Variants in REEP1 observed in about 807,000 individuals in gnomAD.
REEP1 encodes the protein receptor expression-enhancing protein 1.
In REEP1, 22 loss-of-function variants were observed where a neutral mutation model predicts 40.3. That is an observed-to-expected ratio of 0.55 (90% CI 0.39 to 0.78). The LOEUF is 0.78. Ranked by LOEUF, REEP1 falls within the 30% of genes least tolerant of loss-of-function variation. The pLI is 0.00. For missense variants in REEP1, 280 were observed against 361.1 expected, an observed-to-expected ratio of 0.78 and a Z score of 1.82; for synonymous variants, 116 against 139.2, an observed-to-expected ratio of 0.83 and a Z score of 1.17.
chr2:86,273,805 CCT>C (rs2104358133), intron 2 of REEP1, among the ~76,000 whole-genome samples: 1 of 152,270 alleles, frequency 6.6e-6, no homozygotes, highest in Admixed American at 6.5e-5. Flanking sequence ...ACACACATTC[CCT>C]GTCATAACAT....
At chr2:86,257,752 C>T (rs1676645986) in intron 3 of REEP1, among the ~76,000 whole-genome samples, 1 of 151,976 alleles carries the variant, frequency 6.6e-6, no homozygotes, top group South Asian at 2.1e-4. Context: ...ATTCTCCTGC[C>T]TTGGCCTCCC....
At chr2:86,294,427 A>G (rs995561031) in intron 1 of REEP1, among the ~76,000 whole-genome samples, 1 of 152,250 alleles carries the variant, frequency 6.6e-6, no homozygotes, top group African/African-American at 2.4e-5. Context: ...AGTATAGGTC[A>G]TTAGTTCATT....
intron 4 of REEP1, among the ~76,000 whole-genome samples, chr2:86,254,417 T>C (rs1256729121): frequency 1.3e-5 from 2 of 152,224 alleles, no homozygotes; most frequent in Non-Finnish European, 2.9e-5. Context: ...GAAATTCACT[T>C]TGCGTGGTTA....
At chr2:86,238,029 A>C (rs1675454358) in intron 5 of REEP1, among the ~76,000 whole-genome samples, 1 of 152,050 alleles carries the variant, frequency 6.6e-6, no homozygotes, top group Non-Finnish European at 1.5e-5. Flanking sequence ...TAAAAATACA[A>C]AATTAGCCAG....
chr2:86,297,602 C>A, intron 1 of REEP1: 1 of 672,636 alleles, frequency 1.5e-6, no homozygotes, highest in Non-Finnish European at 1.8e-6. Flanking sequence ...AGCTGGGAGA[C>A]CAAGAACAGC....
Position 86,337,256 on chromosome 2 carries a change from C to G in REEP1, c.32+223G>C, listed in dbSNP as rs919032010. The G allele has an allele frequency of 1.2e-5, 3 of 255,786 alleles. No individual in the cohort carries two copies. The highest frequency in any genetic ancestry group is 7.3e-5 in the East Asian group (1 of 13,692). 15.8% of individuals were successfully genotyped at this position (255,786 alleles called of 1,614,324 possible). A position where few individuals can be genotyped will look rare whatever the true frequency, so the allele number is the denominator to read the frequency against. ...CCCTCGCCGTCCCGGCCCAGCCCCC[C>G]GCAAGCGGCCGCCGGCGCCGGCTGC... On this transcript the variant is annotated intron_variant, in intron 1 of 8. Transcript: ENST00000538924. This position sits in a 1 kb window ranked among gnomAD's most constrained non-coding sequence, Gnocchi z 5.8.
At chr2:86,311,469 T>A (rs536492715) in intron 1 of REEP1, among the ~76,000 whole-genome samples, 1 of 152,280 alleles carries the variant, frequency 6.6e-6, no homozygotes, top group South Asian at 2.1e-4. Flanking sequence ...GAGGGCCACG[T>A]TCCCTCTGGA....
At chr2:86,259,228 T>C (rs1279862196) in intron 3 of REEP1, among the ~76,000 whole-genome samples, 1 of 150,162 alleles carries the variant, frequency 6.7e-6, no homozygotes, top group Non-Finnish European at 1.5e-5. Flanking sequence ...AGGCAGAGAT[T>C]GCAGTGAGCC....
upstream of REEP1, chr2:86,337,785 G>T: frequency 3.7e-6 from 3 of 803,806 alleles, no homozygotes; most frequent in East Asian, 4.3e-5. This position sits in a 1 kb window ranked among gnomAD's most constrained non-coding sequence, Gnocchi z 5.8. Flanking sequence ...CGTCCCGCTC[G>T]CCCTGGCCCC....
chr2:86,320,242 C>T (rs751585701), intron 1 of REEP1, among the ~76,000 whole-genome samples: 2 of 152,254 alleles, frequency 1.3e-5, no homozygotes, highest in Non-Finnish European at 2.9e-5. Context: ...CTTGTAACCA[C>T]TAACCTCATC....
chr2:86,274,719 T>C (rs930628968), intron 2 of REEP1, among the ~76,000 whole-genome samples: 2 of 152,130 alleles, frequency 1.3e-5, no homozygotes, highest in African/African-American at 4.8e-5. Context: ...TATGGCCAAT[T>C]TGAGAGGTAA....
intron 8 of REEP1, among the ~76,000 whole-genome samples, chr2:86,219,737 C>T (rs924455610): frequency 6.6e-6 from 1 of 152,182 alleles, no homozygotes; most frequent in African/African-American, 2.4e-5. Context: ...TAAGCCACTG[C>T]ACCCGGCTCA....
chr2:86,252,271 C>A (rs1327996666), intron 4 of REEP1, among the ~76,000 whole-genome samples: 1 of 152,136 alleles, frequency 6.6e-6, no homozygotes, highest in East Asian at 1.9e-4. Flanking sequence ...ACTCTGAAAA[C>A]ACTGCAACTT....
At chr2:86,227,479 G>T in intron 6 of REEP1, 81 bp from the exon 7 acceptor site, 1 of 1,135,366 alleles carries the variant, frequency 8.8e-7, no homozygotes, top group South Asian at 4.5e-5. Flanking sequence ...GGAGGCCCTG[G>T]AGAGGTGTGG....
At chr2:86,302,735 C>T (rs1679306235) in intron 1 of REEP1, among the ~76,000 whole-genome samples, 1 of 152,170 alleles carries the variant, frequency 6.6e-6, no homozygotes, top group Non-Finnish European at 1.5e-5. Flanking sequence ...GCAAGATACA[C>T]AGTAACTTCA....
intron 1 of REEP1, among the ~76,000 whole-genome samples, chr2:86,329,619 T>C (rs1025286042): frequency 1.1e-4 from 17 of 152,130 alleles, no homozygotes; most frequent in Non-Finnish European, 1.5e-5. Context: ...ACAGGGGACA[T>C]GATGGCACCC....
intron 2 of REEP1, among the ~76,000 whole-genome samples, chr2:86,277,282 G>A (rs934024335): frequency 5.3e-5 from 8 of 152,088 alleles, no homozygotes; most frequent in South Asian, 2.1e-4. Context: ...GTTGCTTGGC[G>A]TGGTGGCTCA....
At chr2:86,234,251 C>T (rs1285312056) in intron 5 of REEP1, among the ~76,000 whole-genome samples, 1 of 152,076 alleles carries the variant, frequency 6.6e-6, no homozygotes, top group African/African-American at 2.4e-5. Context: ...GGCGTGGTGG[C>T]TCATGCCTGT....
In REEP1 at chr2:86,232,632, G is replaced by A; in HGVS notation, c.588C>T (p.Ser196=). The change falls in exon 6 of 9, where the codon AGC becomes AGT. Residue 196 remains serine (S), a synonymous_variant. Coordinates refer to ENST00000538924, the MANE Select transcript of REEP1 (RefSeq NM_001371279.1). ...AAGTAAAGTGACACCTACCTGAGCT[G>A]CTAGCGCTCTCAGAAGCACTCCTGG... ...KMSRSASESA[S]SSVCTCCSTC... 1.2e-6 allele frequency: 2 copies of A among 1,612,822 alleles called. No homozygotes were observed. The highest frequency in any genetic ancestry group is 1.7e-4 in the Middle Eastern group (1 of 6,058).
Sources: allele counts gnomAD v4.1 joint callset (sites outside exome capture counted in the v4.1 genomes callset), GRCh38; gene constraint gnomAD v4.1.1; non-coding constraint Gnocchi (gnomAD v3.1); transcripts MANE v1.5; gene names NCBI Gene and HGNC (gene_info 2026-07-23, HGNC 2026-07-21).